The following OTUD7A variants were observed in gnomAD, a reference collection of about 807,000 sequenced individuals.
The protein encoded by OTUD7A is OTU deubiquitinase 7A.
In OTUD7A, 12 loss-of-function variants were observed where a neutral mutation model predicts 65.7. The observed-to-expected ratio is 0.18, with a 90% CI of 0.12 to 0.30. The LOEUF is 0.30. Among genes scored for constraint, OTUD7A ranks in the 10% least tolerant of loss-of-function variants. The pLI is 1.00. For missense variants in OTUD7A, 1,148 were observed against 1,304.8 expected (o/e 0.88, Z 1.85); for synonymous variants, 641 against 586.3 (o/e 1.09, Z -1.35).
At chr15:31,746,344 C>T (rs1016809862) in intron 1 of OTUD7A, among the ~76,000 whole-genome samples, 4 of 152,052 alleles carry the variant, frequency 2.6e-5, no homozygotes, top group Non-Finnish European at 5.9e-5. Context: ...TATGTACATA[C>T]ACACACCACA....
chr15:31,620,003 T>C (rs1890726201), intron 3 of OTUD7A, among the ~76,000 whole-genome samples: 2 of 152,220 alleles, frequency 1.3e-5, no homozygotes, highest in Admixed American at 1.3e-4. Context: ...TCAAAGGCCT[T>C]TTCTGCATCT....
At chr15:31,626,531 G>A (rs954537393) in intron 3 of OTUD7A, among the ~76,000 whole-genome samples, 10 of 152,136 alleles carry the variant, frequency 6.6e-5, no homozygotes, top group African/African-American at 2.4e-4. Flanking sequence ...ACTTGGAGGA[G>A]CTAGAAAAAT....
chr15:31,753,226 C>CT (rs561126606), intron 1 of OTUD7A, among the ~76,000 whole-genome samples: 34 of 146,244 alleles, frequency 2.3e-4, no homozygotes, highest in Admixed American at 1.1e-3. Context: ...AGGCAAATGA[C>CT]TTTTTTTTTT....
rs528941627 is a variant in OTUD7A, at chr15:31,636,113, T to C, written c.151+18983A>G. Among the ~76,000 whole-genome samples the C allele has an allele frequency of 4.6e-5, 7 of 152,348 alleles. No homozygotes were observed. The East Asian group carries it at 1.3e-3, about 29-fold the overall frequency. Reference sequence around the variant, plus strand: ...CACGTGTCCATACAGACACACCTCATTTTACTGTGCTTTACTGTATTGCCC... The same window carrying C: ...CACGTGTCCATACAGACACACCTCACTTTACTGTGCTTTACTGTATTGCCC... On this transcript the variant is annotated intron_variant, in intron 3 of 12. Transcript: ENST00000307050.
intron 3 of OTUD7A, among the ~76,000 whole-genome samples, chr15:31,601,558 T>G (rs1025914366): frequency 1.3e-5 from 2 of 151,316 alleles, no homozygotes; most frequent in African/African-American, 4.9e-5. Context: ...ACTAGAGAAG[T>G]AAGAGCAAAC....
intron 1 of OTUD7A, among the ~76,000 whole-genome samples, chr15:31,659,041 GAATAAATA>G (rs199748846): frequency 0.016 from 2,016 of 125,484 alleles, 25 homozygotes; most frequent in South Asian, 0.041. Flanking sequence ...ATGAATGAAT[GAATAAATA>G]AATAAATAAA....
intron 1 of OTUD7A, among the ~76,000 whole-genome samples, chr15:31,830,617 T>C (rs964477441): frequency 6.6e-6 from 1 of 152,244 alleles, no homozygotes. Context: ...AGATCTTAAT[T>C]AAAATTGTTT....
Position 31,483,274 on chromosome 15 carries a change from C to CCCGCG in OTUD7A, c.*15_*19dup, listed in dbSNP as rs532935489. The CCCGCG allele has an allele frequency of 3.8e-4, 411 of 1,085,778 alleles. No individual in the cohort carries two copies. The highest frequency in any genetic ancestry group is 2.2e-3 in the East Asian group (34 of 15,420). 67.3% of individuals were successfully genotyped at this position (1,085,778 alleles called of 1,614,324 possible). The stretch of plus-strand genomic sequence containing the variant: ...AATCCTCGAAGGTAGAACCTCGCCG[C>CCCGCG]CCGCGCCGCGCCGCGCCGCTCAGGG... On this transcript the variant is annotated 3_prime_UTR_variant, in exon 13 of 13. Coordinates refer to ENST00000307050, the MANE Select transcript of OTUD7A (RefSeq NM_001382637.1).
In OTUD7A at chr15:31,508,444, G is replaced by A. The variant is rs901331121; in HGVS notation, c.894-4626C>T. Among the ~76,000 whole-genome samples, 28 of 152,248 alleles carry A rather than the reference G, an allele frequency of 1.8e-4. 1 individual carries two copies. Among genetic ancestry groups the A allele is most frequent in the Non-Finnish European group, 1.2e-4 (8 of 68,036 alleles). On this transcript the variant is annotated intron_variant, in intron 8 of 12. Transcript: ENST00000307050. ...CGCTCACTGCAAGCTCCGCCTCCTG[G>A]GTTCACACCATTCTCCCGCCTCAGC...
chr15:31,767,800 A>T, intron 1 of OTUD7A: 2 of 763,342 alleles, frequency 2.6e-6, no homozygotes, highest in African/African-American at 3.5e-5. Flanking sequence ...GTAATTTAAA[A>T]ATACTATCTT....
intron 1 of OTUD7A, among the ~76,000 whole-genome samples, chr15:31,850,421 G>A (rs977628082): frequency 1.3e-5 from 2 of 151,468 alleles, no homozygotes; most frequent in African/African-American, 2.4e-5. Context: ...GGGGTGGGGG[G>A]AGTGGGGAGG....
intron 5 of OTUD7A, among the ~76,000 whole-genome samples, chr15:31,552,443 A>G (rs1312958045): frequency 6.6e-6 from 1 of 152,252 alleles, no homozygotes; most frequent in African/African-American, 2.4e-5. Flanking sequence ...AAAAAGTGTG[A>G]AGAAAGAAAA....
chr15:31,572,247 A>T (rs551687389), intron 3 of OTUD7A, among the ~76,000 whole-genome samples: 1 of 152,146 alleles, frequency 6.6e-6, no homozygotes, highest in Admixed American at 6.5e-5. Flanking sequence ...AGATCTTCAA[A>T]CTGTATTCCT....
rs940314457 is a variant in OTUD7A, at chr15:31,487,811, A to G, written c.1172-245T>C. On this transcript the variant is annotated intron_variant, in intron 10 of 12. Transcript: ENST00000307050. This position sits in a 1 kb window ranked among gnomAD's most constrained non-coding sequence, Gnocchi z 6.0. ...CCCTGGCTCTCTTTGGGTCTGTCCA[A>G]TGGCAGATACTCCATTGGGCAGCAG... 2.0e-5 allele frequency among the ~76,000 whole-genome samples: 3 copies of G among 152,212 alleles called. No homozygotes were observed. The highest frequency in any genetic ancestry group is 2.9e-5 in the Non-Finnish European group (2 of 68,038).
intron 3 of OTUD7A, among the ~76,000 whole-genome samples, chr15:31,617,665 G>A (rs865775873): frequency 6.6e-6 from 1 of 152,140 alleles, no homozygotes; most frequent in Admixed American, 6.5e-5. Flanking sequence ...TGTAGTTCTA[G>A]TTACCTCTGG....
chr15:31,693,874 C>T (rs2141320404), intron 1 of OTUD7A, among the ~76,000 whole-genome samples: 1 of 152,324 alleles, frequency 6.6e-6, no homozygotes, highest in East Asian at 1.9e-4. Flanking sequence ...GCTGCTTTGT[C>T]CCTGCATCAC....
chr15:31,544,978 GA>G (rs998013603), intron 5 of OTUD7A, among the ~76,000 whole-genome samples: 6 of 149,472 alleles, frequency 4.0e-5, no homozygotes, highest in East Asian at 2.0e-4. Context: ...AATTAAGCTA[GA>G]AAAAAAAACT....
chr15:31,482,949 G>C lies in OTUD7A; in HGVS notation c.*345C>G, dbSNP rs2041151956. ...AAAAAAAAAAAAGCAAAAAAAGCAT[G>C]TAAAACACTCCCTTCTTAAAACAAA... On this transcript the variant is annotated 3_prime_UTR_variant, in exon 13 of 13. Coordinates refer to ENST00000307050, the MANE Select transcript of OTUD7A (RefSeq NM_001382637.1). The C allele has an allele frequency of 6.5e-6, 1 of 152,936 alleles. No homozygotes were observed. Among genetic ancestry groups the C allele is most frequent in the Admixed American group, 6.5e-5 (1 of 15,294 alleles). 9.5% of individuals were successfully genotyped at this position (152,936 alleles called of 1,614,324 possible). A position where few individuals can be genotyped will look rare whatever the true frequency, so the allele number is the denominator to read the frequency against.
At chr15:31,566,172 C>T (rs1319301558) in intron 4 of OTUD7A, among the ~76,000 whole-genome samples, 1 of 141,410 alleles carries the variant, frequency 7.1e-6, no homozygotes, top group African/African-American at 2.7e-5. Context: ...GCCTGGGCGA[C>T]AGAGTGAGAC....
Sources: allele counts gnomAD v4.1 joint callset (sites outside exome capture counted in the v4.1 genomes callset), GRCh38; gene constraint gnomAD v4.1.1; non-coding constraint Gnocchi (gnomAD v3.1); transcripts MANE v1.5; gene names NCBI Gene and HGNC (gene_info 2026-07-23, HGNC 2026-07-21).